RMI1: variants seen among roughly 807,000 people sequenced by gnomAD.
RMI1 encodes RecQ mediated genome instability 1, also known as recQ-mediated genome instability protein 1.
A neutral mutation model predicts 46.7 loss-of-function variants in RMI1; 36 were observed. The observed-to-expected ratio is 0.77, with a 90% confidence interval of 0.59 to 1.02. RMI1 has a LOEUF of 1.02. Ranked by LOEUF, RMI1 falls within the 50% of genes least tolerant of loss-of-function variation. The pLI is 0.00. For synonymous variants in RMI1, 250 were observed against 252.9 expected (o/e 0.99, Z 0.11); for missense variants, 676 against 713.7 (o/e 0.95, Z 0.60).
At chr9:83,999,175 G>A (rs1328216874) in intron 1 of RMI1, among the ~76,000 whole-genome samples, 5 of 119,284 alleles carry the variant, frequency 4.2e-5, no homozygotes, top group African/African-American at 1.3e-4. Flanking sequence ...AAATAGAATA[G>A]AATAAAATAA....
intron 1 of RMI1, among the ~76,000 whole-genome samples, chr9:83,990,928 C>T (rs576364887): frequency 3.8e-4 from 58 of 152,242 alleles, no homozygotes; most frequent in African/African-American, 1.3e-3. Flanking sequence ...TTGCCTCAGC[C>T]TCCAGAGTAG....
At chr9:83,995,950 T>A (rs1957645944) in intron 1 of RMI1, among the ~76,000 whole-genome samples, 2 of 152,214 alleles carry the variant, frequency 1.3e-5, no homozygotes, top group South Asian at 4.1e-4. Context: ...TTAAGTATAT[T>A]TAGTATGCTC....
At chr9:83,983,218 T>C (rs1957445086) in intron 1 of RMI1, among the ~76,000 whole-genome samples, 4 of 152,234 alleles carry the variant, frequency 2.6e-5, no homozygotes, top group African/African-American at 7.2e-5. Flanking sequence ...TAGTTATCTT[T>C]GTTTTGTGAA....
At position 83,980,841 on chromosome 9, in the gene RMI1, G is replaced by C. The variant is rs954258790; in HGVS notation, c.-176G>C. 1.3e-4 allele frequency: 20 copies of C among 152,394 alleles called. No individual in the cohort carries two copies. Among genetic ancestry groups the C allele is most frequent in the African/African-American group, 3.9e-4 (16 of 41,474 alleles). The allele number at this position is 152,394 out of a possible 1,614,324, so 9.4% of individuals were successfully genotyped here. ...CGCCGCGGCGGTTCCTGTCCTTACA[G>C]TTGCGCTGCCCAGGGACCGATGTTG... is the stretch of plus-strand genomic sequence containing the variant. On this transcript the variant is annotated 5_prime_UTR_variant, in exon 1 of 3. Transcript: ENST00000445877.
intron 1 of RMI1, among the ~76,000 whole-genome samples, chr9:83,987,885 G>A (rs1394114374): frequency 6.6e-6 from 1 of 151,788 alleles, no homozygotes; most frequent in African/African-American, 2.4e-5. Context: ...TGAAGGACAT[G>A]TGGGTGGGTT....
At position 84,003,886 on chromosome 9, in the gene RMI1, A is replaced by G. The variant is rs1171544561; in HGVS notation, c.*1022A>G. The G allele has an allele frequency of 6.0e-6, 1 of 166,952 alleles. No homozygotes were observed. The highest frequency in any genetic ancestry group is 1.5e-5 in the Non-Finnish European group (1 of 68,100). 10.3% of individuals were successfully genotyped at this position (166,952 alleles called of 1,614,324 possible). A position where few individuals can be genotyped will look rare whatever the true frequency, so the allele number is the denominator to read the frequency against. On this transcript the variant is annotated 3_prime_UTR_variant, in exon 3 of 3. Transcript: ENST00000445877. Reference sequence around the variant, plus strand: ...TGTTCCCTTTCTGAATTAGCTGTACATATAAGCCTTCCTTTGGTTTTAAGT... The same window carrying G: ...TGTTCCCTTTCTGAATTAGCTGTACGTATAAGCCTTCCTTTGGTTTTAAGT...
In RMI1 at chr9:84,003,103, G is replaced by A; in HGVS notation, c.*239G>A. On this transcript the variant is annotated 3_prime_UTR_variant, in exon 3 of 3. Coordinates refer to ENST00000445877, the MANE Select transcript of RMI1 (RefSeq NM_001358291.2). Reference sequence around the variant, plus strand: ...GCTCTGTTGCCCAGGCTAGAGTGCAGTGGCATGATCATAGGTTATTGCATC... The same window carrying A: ...GCTCTGTTGCCCAGGCTAGAGTGCAATGGCATGATCATAGGTTATTGCATC... 1 of 317,504 alleles carries A rather than the reference G, an allele frequency of 3.1e-6. No individual in the cohort carries two copies. The highest frequency in any genetic ancestry group is 6.1e-6 in the Non-Finnish European group (1 of 165,128). The allele number at this position is 317,504 out of a possible 1,614,324, so 19.7% of individuals were successfully genotyped here.
intron 2 of RMI1, among the ~76,000 whole-genome samples, chr9:84,000,439 A>C (rs1588472792): frequency 6.6e-6 from 1 of 152,160 alleles, no homozygotes; most frequent in East Asian, 1.9e-4. Flanking sequence ...CCCTTTAGTC[A>C]CTTAGTAGCT....
intron 1 of RMI1, among the ~76,000 whole-genome samples, chr9:83,994,334 A>C (rs1564082259): frequency 6.6e-6 from 1 of 151,872 alleles, no homozygotes; most frequent in African/African-American, 2.4e-5. Flanking sequence ...TGCTTTTGTT[A>C]CCTGTACTTT....
At chr9:83,998,308 C>T (rs1267193943) in intron 1 of RMI1, among the ~76,000 whole-genome samples, 1 of 152,098 alleles carries the variant, frequency 6.6e-6, no homozygotes, top group East Asian at 1.9e-4. Context: ...TTAATCAGTT[C>T]TATAATTATG....
chr9:83,992,770 T>G (rs1479202489), intron 1 of RMI1, among the ~76,000 whole-genome samples: 1 of 152,226 alleles, frequency 6.6e-6, no homozygotes, highest in African/African-American at 2.4e-5. Flanking sequence ...CCTTATATCT[T>G]GCTAACTCAG....
intron 1 of RMI1, among the ~76,000 whole-genome samples, chr9:83,999,292 T>G (rs1479213610): frequency 6.6e-6 from 1 of 152,172 alleles, no homozygotes; most frequent in Non-Finnish European, 1.5e-5. Flanking sequence ...TTTACTGAGT[T>G]CTCGCTGTGT....
At chr9:83,995,131 C>G (rs1957630816) in intron 1 of RMI1, among the ~76,000 whole-genome samples, 1 of 152,056 alleles carries the variant, frequency 6.6e-6, no homozygotes, top group African/African-American at 2.4e-5. Context: ...TCCCGAGTAG[C>G]TGGGATTACA....
At chr9:83,997,891 G>C (rs897474144) in intron 1 of RMI1, among the ~76,000 whole-genome samples, 1 of 151,862 alleles carries the variant, frequency 6.6e-6, no homozygotes, top group Non-Finnish European at 1.5e-5. Flanking sequence ...CGACCTCTGG[G>C]CTCAAGCAGT....
In RMI1 at chr9:84,002,935, T is replaced by G; in HGVS notation, c.*71T>G. On this transcript the variant is annotated 3_prime_UTR_variant, in exon 3 of 3. Transcript: ENST00000445877. ...ATTTAGAATTTGTTCACAATTTTAC[T>G]TATGATACTTTGTGTAAAAAGGAAA... 1 of 930,152 alleles carries G rather than the reference T, an allele frequency of 1.1e-6. No homozygotes were observed. The highest frequency in any genetic ancestry group is 2.8e-5 in the Admixed American group (1 of 35,756). 57.6% of individuals were successfully genotyped at this position (930,152 alleles called of 1,614,324 possible). A position where few individuals can be genotyped will look rare whatever the true frequency, so the allele number is the denominator to read the frequency against.
At chr9:83,997,740 G>T (rs1004964148) in intron 1 of RMI1, among the ~76,000 whole-genome samples, 2 of 152,024 alleles carry the variant, frequency 1.3e-5, no homozygotes, top group African/African-American at 4.8e-5. Context: ...GATTTGGGTG[G>T]GGCCACAGAC....
chr9:83,998,293 A>G (rs947751905), intron 1 of RMI1, among the ~76,000 whole-genome samples: 3 of 152,216 alleles, frequency 2.0e-5, no homozygotes, highest in Admixed American at 6.5e-5. Flanking sequence ...TCTTTAATAT[A>G]AAGATTAATC....
chr9:83,990,159 T>A (rs563101398), intron 1 of RMI1, among the ~76,000 whole-genome samples: 1 of 152,142 alleles, frequency 6.6e-6, no homozygotes, highest in Non-Finnish European at 1.5e-5. Flanking sequence ...GAACAATGGT[T>A]ACCAGAGGCT....
chr9:83,991,758 ATTAC>A (rs1406738665), intron 1 of RMI1, among the ~76,000 whole-genome samples: 4 of 152,100 alleles, frequency 2.6e-5, no homozygotes, highest in South Asian at 2.1e-4. Flanking sequence ...TATTTGTTGA[ATTAC>A]TTCTACAACT....
Sources: allele counts gnomAD v4.1 joint callset (sites outside exome capture counted in the v4.1 genomes callset), GRCh38; gene constraint gnomAD v4.1.1; transcripts MANE v1.5; gene names NCBI Gene and HGNC (gene_info 2026-07-23, HGNC 2026-07-21).